FAM13A: variants seen among roughly 807,000 people sequenced by gnomAD.
The protein encoded by FAM13A is protein FAM13A.
In FAM13A, 76 loss-of-function variants were observed where a neutral mutation model predicts 129.6. The ratio of observed to expected loss-of-function variants is 0.59; its 90% CI spans 0.49 to 0.71. The LOEUF (loss-of-function observed/expected upper bound fraction) is 0.71, where lower values mean the gene tolerates loss of function less well. Ranked by LOEUF, FAM13A falls within the 30% of genes least tolerant of loss-of-function variation. The pLI is 0.00. For missense variants in FAM13A, 1,108 were observed against 1,249.3 expected (o/e 0.89, Z 1.70); for synonymous variants, 443 against 449.9 (o/e 0.98, Z 0.20).
At chr4:88,859,248 G>A (rs1739076517) in intron 6 of FAM13A, among the ~76,000 whole-genome samples, 2 of 152,170 alleles carry the variant, frequency 1.3e-5, no homozygotes, top group Non-Finnish European at 2.9e-5. Flanking sequence ...ATATTTCTAT[G>A]CAAATGGGAA....
intron 5 of FAM13A, among the ~76,000 whole-genome samples, chr4:88,933,324 G>A (rs763025768): frequency 9.9e-5 from 15 of 151,986 alleles, no homozygotes; most frequent in Non-Finnish European, 2.1e-4. Context: ...TACACAAACT[G>A]GACAACAAGA....
intron 6 of FAM13A, among the ~76,000 whole-genome samples, chr4:88,897,371 G>GT (rs1746532891): frequency 6.6e-6 from 1 of 152,128 alleles, no homozygotes; most frequent in South Asian, 2.1e-4. Context: ...TGTAATAGAT[G>GT]TATCATCTTT....
chr4:88,795,565 T>C (rs1482540687), intron 8 of FAM13A, among the ~76,000 whole-genome samples: 1 of 151,838 alleles, frequency 6.6e-6, no homozygotes, highest in African/African-American at 2.4e-5. Context: ...CTGTATCCCT[T>C]TTCCATTTTA....
chr4:88,799,531 C>G (rs1380656108), intron 8 of FAM13A, among the ~76,000 whole-genome samples: 1 of 150,928 alleles, frequency 6.6e-6, no homozygotes, highest in Non-Finnish European at 1.5e-5. Context: ...TGTTGCCAGG[C>G]TGGAGTGCCA....
chr4:88,728,398 T>A lies in FAM13A; in HGVS notation c.*135A>T. 9.7e-7 allele frequency: 1 copy of A among 1,025,728 alleles called. No homozygotes were observed. The highest frequency in any genetic ancestry group is 1.5e-5 in the South Asian group (1 of 64,670). The allele number at this position is 1,025,728 out of a possible 1,614,324, so 63.5% of individuals were successfully genotyped here. ...GGCAGGCAATGGAAACAGGAGCCGA[T>A]GCCAAATGGTCTAGAGGCAGAAGGG... is the stretch of plus-strand genomic sequence containing the variant. On this transcript the variant is annotated 3_prime_UTR_variant, in exon 24 of 24. Coordinates refer to ENST00000264344, the MANE Select transcript of FAM13A (RefSeq NM_014883.4).
intron 5 of FAM13A, chr4:88,937,401 T>C (rs937840652): frequency 2.0e-5 from 3 of 152,172 alleles, no homozygotes; most frequent in Non-Finnish European, 4.4e-5. Flanking sequence ...TCAATATAAA[T>C]GACGACGAAA....
intron 4 of FAM13A, among the ~76,000 whole-genome samples, chr4:88,939,449 C>T (rs562968954): frequency 6.6e-6 from 1 of 152,276 alleles, no homozygotes; most frequent in African/African-American, 2.4e-5. Flanking sequence ...CTCAAAAATT[C>T]AGGATAATCC....
intron 4 of FAM13A, among the ~76,000 whole-genome samples, chr4:88,971,175 G>A (rs1325119098): frequency 3.3e-5 from 5 of 152,150 alleles, no homozygotes; most frequent in Non-Finnish European, 7.3e-5. Context: ...CCGAGATCGC[G>A]CCACTGCACT....
chr4:88,981,158 A>AC (rs67388509), intron 4 of FAM13A, among the ~76,000 whole-genome samples: 102,562 of 151,926 alleles, frequency 0.68, 34,659 homozygotes, highest in Middle Eastern at 0.79. Flanking sequence ...GACGAAAGGC[A>AC]CAAGACGCAG....
intron 3 of FAM13A, among the ~76,000 whole-genome samples, chr4:89,002,836 C>T (rs1166539942): frequency 6.6e-6 from 1 of 151,888 alleles, no homozygotes; most frequent in Admixed American, 6.6e-5. Context: ...CGAGAATGTT[C>T]TAAAAGAGTA....
chr4:88,781,495 G>A (rs1304271163), intron 10 of FAM13A, 144 bp from the exon 11 acceptor site: 2 of 532,290 alleles, frequency 3.8e-6, no homozygotes, highest in Non-Finnish European at 6.4e-6. Flanking sequence ...TCTGAGCAGA[G>A]TGCCACTCCT....
intron 13 of FAM13A, among the ~76,000 whole-genome samples, chr4:88,765,883 C>T (rs184402589): frequency 3.9e-5 from 6 of 152,212 alleles, no homozygotes; most frequent in South Asian, 2.1e-4. Context: ...GCACTGGGCA[C>T]GATTGGTGGC....
At chr4:88,818,150 ATT>A (rs60085761) in intron 7 of FAM13A, among the ~76,000 whole-genome samples, 11 of 149,592 alleles carry the variant, frequency 7.4e-5, no homozygotes, top group East Asian at 3.9e-4. Context: ...CGCCCAGATA[ATT>A]TTTTTTTTTG....
chr4:88,947,265 G>A (rs1017582915), intron 4 of FAM13A, among the ~76,000 whole-genome samples: 12 of 152,034 alleles, frequency 7.9e-5, no homozygotes, highest in African/African-American at 2.4e-4. Context: ...TAAAAACTTA[G>A]TCGGGCGTGG....
intron 10 of FAM13A, 60 bp from the exon 11 acceptor site, chr4:88,781,411 C>A (rs1046939301): frequency 9.2e-5 from 110 of 1,190,144 alleles, no homozygotes; most frequent in Non-Finnish European, 1.3e-4. Flanking sequence ...TTGAATGATA[C>A]TCTAACTACA....
chr4:89,055,974 CCA>C (rs1388377076), intron 1 of FAM13A, among the ~76,000 whole-genome samples: 1 of 152,078 alleles, frequency 6.6e-6, no homozygotes, highest in Admixed American at 6.6e-5. Flanking sequence ...CTTCAGAATG[CCA>C]TCAGAAGCTA....
Position 88,739,222 on chromosome 4 carries a change from C to G in FAM13A, c.2467-97G>C. On this transcript the variant is annotated intron_variant, in intron 19 of 23. Coordinates refer to ENST00000264344, the MANE Select transcript of FAM13A (RefSeq NM_014883.4). Reference sequence around the variant, plus strand: ...GGGCCTTTGTAATTCTAGAGAAACTCCAGATGATGCAACTTAAGTCTTACT... The same window carrying G: ...GGGCCTTTGTAATTCTAGAGAAACTGCAGATGATGCAACTTAAGTCTTACT... The G allele has an allele frequency of 1.7e-5, 13 of 776,658 alleles. No individual in the cohort carries two copies. The South Asian group carries it at 1.9e-4, about 11-fold the overall frequency. 48.1% of individuals were successfully genotyped at this position (776,658 alleles called of 1,614,324 possible). A position where few individuals can be genotyped will look rare whatever the true frequency, so the allele number is the denominator to read the frequency against.
At chr4:89,029,913 A>T in intron 1 of FAM13A, 1 of 428,042 alleles carries the variant, frequency 2.3e-6, no homozygotes. Flanking sequence ...CGTATCTAAG[A>T]TATATTACTA....
At chr4:88,857,930 T>G in intron 6 of FAM13A, among the ~76,000 whole-genome samples, 1 of 152,334 alleles carries the variant, frequency 6.6e-6, no homozygotes, top group East Asian at 1.9e-4. Flanking sequence ...CCTAGAAACA[T>G]TGAAATGTTA....
Sources: gnomAD v4.1 joint callset for allele counts (sites outside exome capture counted in the v4.1 genomes callset) on GRCh38, gnomAD v4.1.1 for gene constraint, MANE v1.5 for transcripts, NCBI Gene and HGNC (gene_info 2026-07-23, HGNC 2026-07-21) for gene names.